The following EVC variants were observed in gnomAD, a reference collection of about 807,000 sequenced individuals.
The protein encoded by EVC is EvC ciliary complex subunit 1.
In EVC, 116 loss-of-function variants were observed where a neutral mutation model predicts 118.9. That is an observed-to-expected ratio of 0.98 (90% CI 0.84 to 1.14). EVC has a LOEUF of 1.14. EVC is among the 50% of genes most tolerant of loss of function. EVC has a pLI of 0.00. For synonymous variants in EVC, 619 were observed against 534.7 expected (o/e 1.16, Z -2.18); for missense variants, 1,401 against 1,246.4 (o/e 1.12, Z -1.87).
chr4:5,804,616 C>T (rs1308063590), intron 16 of EVC, 114 bp from the exon 17 acceptor site: 3 of 823,658 alleles, frequency 3.6e-6, no homozygotes, highest in Non-Finnish European at 6.3e-6. Flanking sequence ...TGGAAGGATA[C>T]ACTCTTGGAG....
rs983500062 is a variant in EVC at position 5,742,857 on chromosome 4, G to A, written c.801+1043G>A. On this transcript the variant is annotated intron_variant, in intron 6 of 20. Coordinates refer to ENST00000264956, the MANE Select transcript of EVC (RefSeq NM_153717.3). This position sits in a 1 kb window ranked among gnomAD's most constrained non-coding sequence, Gnocchi z 5.2. ...CACCTAGGAAGGAATTCAAGGGAGAGCCAGTGGTGTTAGACAGTAGTGTTT... is the reference window on the plus strand; with the variant it reads ...CACCTAGGAAGGAATTCAAGGGAGAACCAGTGGTGTTAGACAGTAGTGTTT... Among the ~76,000 whole-genome samples the A allele has an allele frequency of 1.3e-4, 20 of 152,210 alleles. No homozygotes were observed. The highest frequency in any genetic ancestry group is 4.8e-4 in the African/African-American group (20 of 41,454).
intron 1 of EVC, among the ~76,000 whole-genome samples, chr4:5,713,022 G>T (rs573682694): frequency 6.6e-6 from 1 of 152,312 alleles, no homozygotes; most frequent in Non-Finnish European, 1.5e-5. Context: ...AACCCTAGTT[G>T]GTTTGAACCC....
rs947951237 is a variant in EVC at position 5,809,467 on chromosome 4, G to A, written c.2689-51G>A. 2.6e-6 allele frequency: 4 copies of A among 1,514,394 alleles called. No homozygotes were observed. The African/African-American group carries it at 5.5e-5, about 21-fold the overall frequency. The allele number at this position is 1,514,394 out of a possible 1,614,324, so 93.8% of individuals were successfully genotyped here. On this transcript the variant is annotated intron_variant, in intron 18 of 20. Transcript: ENST00000264956. ...ATTCACTCACGTGGAGAGGGATTTA[G>A]AGAAGTCAGAGGGAGGCCCAGCTGA...
At position 5,811,084 on chromosome 4, in the gene EVC, G is replaced by A; in HGVS notation, c.*47G>A. The A allele has an allele frequency of 1.3e-6, 2 of 1,502,590 alleles. No homozygotes were observed. The highest frequency in any genetic ancestry group is 2.4e-5 in the East Asian group (1 of 41,942). The allele number at this position is 1,502,590 out of a possible 1,614,324, so 93.1% of individuals were successfully genotyped here. A position where few individuals can be genotyped will look rare whatever the true frequency, so the allele number is the denominator to read the frequency against. On this transcript the variant is annotated 3_prime_UTR_variant, in exon 21 of 21. Transcript: ENST00000264956. ...AAGACCTGAAGCCCTGGGTCTGGGT[G>A]TGAATTCCACCTTCCCTCCTGCAGT...
chr4:5,812,743 A>G lies in EVC; in HGVS notation c.*1706A>G, dbSNP rs1717117364. The G allele has an allele frequency of 6.5e-6, 1 of 153,448 alleles. No individual in the cohort carries two copies. Among genetic ancestry groups the G allele is most frequent in the Admixed American group, 6.5e-5 (1 of 15,300 alleles). 9.5% of individuals were successfully genotyped at this position (153,448 alleles called of 1,614,324 possible). On this transcript the variant is annotated 3_prime_UTR_variant, in exon 21 of 21. Coordinates refer to ENST00000264956, the MANE Select transcript of EVC (RefSeq NM_153717.3). The stretch of plus-strand genomic sequence containing the variant: ...TTCAGGGGAAGGAGCTGCCCAGAGC[A>G]TCACAGGATGTTCCAGTGTCCCTGG...
At chr4:5,729,466 A>G in intron 3 of EVC, 76 bp downstream of exon 3, 1 of 1,368,722 alleles carries the variant, frequency 7.3e-7, no homozygotes, top group Admixed American at 1.7e-5. Context: ...AAGTGGGGGG[A>G]TTAACTGTGT....
chr4:5,725,264 G>A (rs545370191), intron 2 of EVC, among the ~76,000 whole-genome samples: 2 of 152,272 alleles, frequency 1.3e-5, no homozygotes, highest in Non-Finnish European at 2.9e-5. Context: ...GGGACAAATG[G>A]CATTTCTGCT....
intron 11 of EVC, among the ~76,000 whole-genome samples, chr4:5,759,763 C>A (rs1375114755): frequency 6.6e-6 from 1 of 152,058 alleles, no homozygotes; most frequent in Non-Finnish European, 1.5e-5. Context: ...ACATCTGAGA[C>A]GGGTCTCAGT....
chr4:5,798,043 C>T lies in EVC; in HGVS notation c.2098-543C>T, dbSNP rs1387735914. ...TGAATGAGGCACAAGCCCACAGTCTCTTAAGCTCTATCCAGGAGAGCTCCG... is the reference window on the plus strand; with the variant it reads ...TGAATGAGGCACAAGCCCACAGTCTTTTAAGCTCTATCCAGGAGAGCTCCG... On this transcript the variant is annotated intron_variant, in intron 14 of 20. Coordinates refer to ENST00000264956, the MANE Select transcript of EVC (RefSeq NM_153717.3). This position sits in a 1 kb window ranked among gnomAD's most constrained non-coding sequence, Gnocchi z 4.1. Among the ~76,000 whole-genome samples the T allele has an allele frequency of 2.0e-5, 3 of 152,202 alleles. No individual in the cohort carries two copies. The highest frequency in any genetic ancestry group is 7.2e-5 in the African/African-American group (3 of 41,458).
chr4:5,770,011 T>C (rs1733697157), intron 11 of EVC, among the ~76,000 whole-genome samples: 1 of 151,994 alleles, frequency 6.6e-6, no homozygotes, highest in African/African-American at 2.4e-5. Flanking sequence ...GCCAGGCTGA[T>C]GATAATGGAA....
Position 5,768,235 on chromosome 4 carries a change from C to T in EVC, c.1563+11873C>T, listed in dbSNP as rs186815642. On this transcript the variant is annotated intron_variant, in intron 11 of 20. Transcript: ENST00000264956. ...TAGTTGCATTTACTTCTGAGTGAGA[C>T]AGGAAATCACCAGCATGTTTTGAGT... 1.7e-3 allele frequency among the ~76,000 whole-genome samples: 264 copies of T among 152,196 alleles called. 2 individuals are homozygous for T. The highest frequency in any genetic ancestry group is 6.1e-3 in the African/African-American group (255 of 41,502).
chr4:5,748,992 T>C (rs1316666567), intron 8 of EVC, among the ~76,000 whole-genome samples: 1 of 151,992 alleles, frequency 6.6e-6, no homozygotes, highest in Non-Finnish European at 1.5e-5. Flanking sequence ...TGGCTGGGCA[T>C]TGGGGTTTTT....
Position 5,811,140 on chromosome 4 carries a change from C to T in EVC, c.*103C>T, listed in dbSNP as rs567470574. ...GAGGCAGCGAGGACGGAGAGGACAG[C>T]GGCATCTCTAGGCTCTTCTGAGAGG... On this transcript the variant is annotated 3_prime_UTR_variant, in exon 21 of 21. Coordinates refer to ENST00000264956, the MANE Select transcript of EVC (RefSeq NM_153717.3). 1.7e-4 allele frequency: 156 copies of T among 906,186 alleles called. 1 individual carries two copies. Among genetic ancestry groups the T allele is most frequent in the African/African-American group, 1.1e-3 (66 of 60,856 alleles). 56.1% of individuals were successfully genotyped at this position (906,186 alleles called of 1,614,324 possible). A position where few individuals can be genotyped will look rare whatever the true frequency, so the allele number is the denominator to read the frequency against.
At chr4:5,822,496 G>T in the EVC span, among the ~76,000 whole-genome samples, 42 of 91,180 alleles carry the variant, frequency 4.6e-4, no homozygotes, top group Non-Finnish European at 8.0e-4. Context: ...GATCTGAAGG[G>T]GGGGGGGGTG....
rs1453069780 is a variant in EVC at position 5,738,077 on chromosome 4, T to G, written c.703-3639T>G. Among the ~76,000 whole-genome samples the G allele has an allele frequency of 6.6e-6, 1 of 152,166 alleles. No individual in the cohort carries two copies. Among genetic ancestry groups the G allele is most frequent in the Non-Finnish European group, 1.5e-5 (1 of 68,048 alleles). The stretch of plus-strand genomic sequence containing the variant: ...TAACAAGAGTTTGGAAGAGGTTGAT[T>G]TCAATCCTCATGAATGACTTTGAGG... On this transcript the variant is annotated intron_variant, in intron 5 of 20. Transcript: ENST00000264956. This position sits in a 1 kb window ranked among gnomAD's most constrained non-coding sequence, Gnocchi z 6.5.
At chr4:5,782,947 T>G (rs1560399917) in intron 11 of EVC, among the ~76,000 whole-genome samples, 2 of 151,550 alleles carry the variant, frequency 1.3e-5, no homozygotes, top group Non-Finnish European at 3.0e-5. Flanking sequence ...GTTAGAGAGC[T>G]CACTGTGGGA....
intron 5 of EVC, among the ~76,000 whole-genome samples, chr4:5,740,427 C>T (rs2151989391): frequency 6.8e-6 from 1 of 147,238 alleles, no homozygotes; most frequent in African/African-American, 2.5e-5. Context: ...GCCAAGATTG[C>T]ACCACTGCAC....
intron 13 of EVC, among the ~76,000 whole-genome samples, chr4:5,794,368 T>G (rs1312066360): frequency 3.5e-5 from 5 of 143,612 alleles, no homozygotes; most frequent in Non-Finnish European, 6.1e-5. Context: ...TGTATTTATA[T>G]TTATATACAT....
intron 2 of EVC, among the ~76,000 whole-genome samples, chr4:5,721,765 G>A (rs1724999476): frequency 6.6e-6 from 1 of 152,186 alleles, no homozygotes; most frequent in Non-Finnish European, 1.5e-5. Flanking sequence ...TACTTAGGAG[G>A]CTGAGGCAGG....
Sources: gnomAD v4.1 joint callset for allele counts (sites outside exome capture counted in the v4.1 genomes callset) on GRCh38, gnomAD v4.1.1 for gene constraint, Gnocchi (gnomAD v3.1) non-coding constraint, MANE v1.5 for transcripts, NCBI Gene and HGNC (gene_info 2026-07-23, HGNC 2026-07-21) for gene names.